SLC7A14: variants seen among roughly 807,000 people sequenced by gnomAD.
SLC7A14 encodes the protein solute carrier family 7 member 14.
Under a neutral mutation model 60.2 loss-of-function variants are expected in SLC7A14, and 37 were observed. The ratio of observed to expected loss-of-function variants is 0.61; its 90% confidence interval spans 0.47 to 0.81. The LOEUF (loss-of-function observed/expected upper bound fraction) is 0.81. SLC7A14 is among the 30% of genes least tolerant of loss of function. The pLI is 0.00. For missense variants in SLC7A14, 886 were observed against 982.7 expected (o/e 0.90, Z 1.32); for synonymous variants, 399 against 395.8 (o/e 1.01, Z -0.10).
chr3:170,533,227 G>A (rs570175291), intron 1 of SLC7A14, among the ~76,000 whole-genome samples: 1 of 152,318 alleles, frequency 6.6e-6, no homozygotes, highest in Admixed American at 6.5e-5. Flanking sequence ...AACTGGGGAT[G>A]TGCTTGCATG....
chr3:170,498,367 A>G (rs1051217729), intron 4 of SLC7A14, among the ~76,000 whole-genome samples: 1 of 152,156 alleles, frequency 6.6e-6, no homozygotes, highest in African/African-American at 2.4e-5. Flanking sequence ...TGATTAAATG[A>G]GATAGTACGT....
chr3:170,488,414 C>G (rs901716956), intron 4 of SLC7A14, among the ~76,000 whole-genome samples: 2 of 152,212 alleles, frequency 1.3e-5, no homozygotes, highest in African/African-American at 2.4e-5. Flanking sequence ...CTCACCTCAT[C>G]ATACATGGAG....
intron 5 of SLC7A14, 92 bp downstream of exon 5, chr3:170,486,130 A>T: frequency 6.7e-7 from 1 of 1,489,930 alleles, no homozygotes; most frequent in South Asian, 1.3e-5. Flanking sequence ...AGACACCAAG[A>T]AGACATAGGA....
rs998383402 is a variant in SLC7A14 at position 170,465,711 on chromosome 3, G to A, written c.*1344C>T. The A allele has an allele frequency of 6.6e-6, 1 of 152,176 alleles. No homozygotes were observed. The highest frequency in any genetic ancestry group is 2.4e-5 in the African/African-American group (1 of 41,440). The allele number at this position is 152,176 out of a possible 1,614,324, so 9.4% of individuals were successfully genotyped here. A position where few individuals can be genotyped will look rare whatever the true frequency, so the allele number is the denominator to read the frequency against. On this transcript the variant is annotated 3_prime_UTR_variant, in exon 8 of 8. Transcript: ENST00000231706. ...ATTCTATGATAGCTTGATTCAAATT[G>A]TGCCTTCACATACATTTGTACGTAT... is the stretch of plus-strand genomic sequence containing the variant.
rs942461994 is a variant in SLC7A14 at position 170,585,519 on chromosome 3, C to T, written c.-153+392G>A. On this transcript the variant is annotated intron_variant, in intron 1 of 7. Transcript: ENST00000231706. This position sits in a 1 kb window ranked among gnomAD's most constrained non-coding sequence, Gnocchi z 5.1. ...GTGCGCGCCAAGGCGGGGGACAGGA[C>T]GGGCCCGGCGTCTGCCGAGACCTAG... 6.6e-6 allele frequency among the ~76,000 whole-genome samples: 1 copy of T among 152,196 alleles called. No homozygotes were observed. The highest frequency in any genetic ancestry group is 1.5e-5 in the Non-Finnish European group (1 of 68,034).
intron 7 of SLC7A14, among the ~76,000 whole-genome samples, chr3:170,469,414 G>A (rs569522198): frequency 6.6e-6 from 1 of 152,128 alleles, no homozygotes; most frequent in Non-Finnish European, 1.5e-5. Context: ...AAATCCTAGA[G>A]TTAATTATTT....
chr3:170,501,380 C>G, intron 2 of SLC7A14, 35 bp from the exon 3 acceptor site: 1 of 1,572,172 alleles, frequency 6.4e-7, no homozygotes, highest in Non-Finnish European at 8.8e-7. Context: ...TGGTGGACTT[C>G]AGGAGATGAG....
chr3:170,577,751 T>C lies in SLC7A14; in HGVS notation c.-153+8160A>G, dbSNP rs183376494. ...CAAGCCAGAAACTAGAGCTAAAGAATAAACATGTATATTTGACTACTGTCA... is the reference window on the plus strand; with the variant it reads ...CAAGCCAGAAACTAGAGCTAAAGAACAAACATGTATATTTGACTACTGTCA... On this transcript the variant is annotated intron_variant, in intron 1 of 7. Transcript: ENST00000231706. Among the ~76,000 whole-genome samples, 98 of 151,684 alleles carry C rather than the reference T, an allele frequency of 6.5e-4. 1 individual carries two copies. The South Asian group carries it at 0.01, about 16-fold the overall frequency.
chr3:170,488,433 G>T (rs1271326802), intron 4 of SLC7A14, among the ~76,000 whole-genome samples: 2 of 152,174 alleles, frequency 1.3e-5, no homozygotes, highest in Non-Finnish European at 2.9e-5. Flanking sequence ...AGGTTCACAG[G>T]CTTGGAAATG....
chr3:170,476,626 C>A (rs980624023), intron 7 of SLC7A14: 1 of 152,194 alleles, frequency 6.6e-6, no homozygotes, highest in African/African-American at 2.4e-5. Flanking sequence ...GCCAGTCTGT[C>A]CATACTTGTG....
chr3:170,489,218 G>A (rs1020132620), intron 4 of SLC7A14, among the ~76,000 whole-genome samples: 1 of 151,848 alleles, frequency 6.6e-6, no homozygotes, highest in Non-Finnish European at 1.5e-5. Context: ...ATCTGACAAG[G>A]GATTAATAAC....
At chr3:170,495,498 T>C in intron 4 of SLC7A14, 2 of 860,098 alleles carry the variant, frequency 2.3e-6, no homozygotes, top group South Asian at 1.6e-5. Context: ...CCCCCAGGCC[T>C]TTAGCAGCCG....
At chr3:170,567,043 A>G (rs1714812032) in intron 1 of SLC7A14, among the ~76,000 whole-genome samples, 1 of 151,204 alleles carries the variant, frequency 6.6e-6, no homozygotes. Flanking sequence ...GTTTTAGGGT[A>G]CATGTGCACA....
intron 2 of SLC7A14, among the ~76,000 whole-genome samples, chr3:170,504,168 T>C (rs1235103460): frequency 2.0e-5 from 3 of 152,186 alleles, no homozygotes; most frequent in Non-Finnish European, 4.4e-5. Context: ...CTGGTGATAA[T>C]TGAATGTTTA....
intron 1 of SLC7A14, among the ~76,000 whole-genome samples, chr3:170,573,854 G>T (rs1422177349): frequency 6.6e-6 from 1 of 152,160 alleles, no homozygotes; most frequent in African/African-American, 2.4e-5. Context: ...TGTGCCCACA[G>T]GTTATCTTTG....
intron 1 of SLC7A14, among the ~76,000 whole-genome samples, chr3:170,542,708 C>T (rs779515548): frequency 3.9e-5 from 6 of 152,174 alleles, no homozygotes; most frequent in Non-Finnish European, 4.4e-5. Flanking sequence ...GCAAGGTTGA[C>T]GGTGACCTCA....
At chr3:170,496,226 A>C (rs1469614149) in intron 4 of SLC7A14, 11 of 924,440 alleles carry the variant, frequency 1.2e-5, no homozygotes, top group Non-Finnish European at 2.0e-5. Flanking sequence ...AGGTCAAGGC[A>C]CAGTAGGAGG....
At chr3:170,554,658 T>C (rs1714438830) in intron 1 of SLC7A14, among the ~76,000 whole-genome samples, 1 of 152,206 alleles carries the variant, frequency 6.6e-6, no homozygotes, top group Non-Finnish European at 1.5e-5. Flanking sequence ...CCTTCCTCCC[T>C]ATTCTCTGCC....
At chr3:170,509,324 G>C (rs1251774076) in intron 2 of SLC7A14, among the ~76,000 whole-genome samples, 1 of 152,136 alleles carries the variant, frequency 6.6e-6, no homozygotes, top group Non-Finnish European at 1.5e-5. Flanking sequence ...TTAATCAGGG[G>C]TGTATGACAT....
Sources: allele counts gnomAD v4.1 joint callset (sites outside exome capture counted in the v4.1 genomes callset), GRCh38; gene constraint gnomAD v4.1.1; non-coding constraint Gnocchi (gnomAD v3.1); transcripts MANE v1.5; gene names NCBI Gene and HGNC (gene_info 2026-07-23, HGNC 2026-07-21).